LRPPRC: variants seen among roughly 807,000 people sequenced by gnomAD.
The protein encoded by LRPPRC is leucine-rich PPR motif-containing protein, mitochondrial.
In LRPPRC, 120 loss-of-function variants were observed where a neutral mutation model predicts 180.3. The observed-to-expected ratio is 0.67, with a 90% CI of 0.57 to 0.77. LRPPRC has a LOEUF of 0.77. Ranked by LOEUF, LRPPRC falls within the 30% of genes least tolerant of loss-of-function variation. The pLI, the probability that LRPPRC is intolerant of heterozygous loss-of-function variation, is 0.00. For missense variants in LRPPRC, 2,012 were observed against 1,657.2 expected (o/e 1.21, Z -3.72); for synonymous variants, 723 against 600.0 (o/e 1.21, Z -3.00).
At chr2:43,962,346 C>A (rs1424898932) in intron 12 of LRPPRC, among the ~76,000 whole-genome samples, 1 of 152,012 alleles carries the variant, frequency 6.6e-6, no homozygotes, top group African/African-American at 2.4e-5. Context: ...GGTGAAGACA[C>A]TGAAGATATA....
chr2:43,955,184 G>A (rs1403948889), intron 14 of LRPPRC, among the ~76,000 whole-genome samples: 1 of 151,922 alleles, frequency 6.6e-6, no homozygotes, highest in African/African-American at 2.4e-5. Context: ...AAAAGGTTAG[G>A]GCAGCAGGTG....
intron 31 of LRPPRC, chr2:43,904,369 C>T (rs1414554447): frequency 6.6e-6 from 1 of 152,204 alleles, no homozygotes; most frequent in East Asian, 1.9e-4. Context: ...AATTAAACAA[C>T]AACTTCCTCT....
intron 25 of LRPPRC, among the ~76,000 whole-genome samples, chr2:43,930,723 C>T (rs776076808): frequency 6.6e-6 from 1 of 152,132 alleles, no homozygotes; most frequent in Non-Finnish European, 1.5e-5. Flanking sequence ...TTGAAAGCCC[C>T]TGATACACAA....
chr2:43,971,500 A>G (rs899221427), intron 11 of LRPPRC, among the ~76,000 whole-genome samples: 19 of 147,774 alleles, frequency 1.3e-4, no homozygotes, highest in Non-Finnish European at 2.7e-4. Context: ...AAAAAAAAAA[A>G]AAAAGAAAAA....
At chr2:43,933,923 A>G (rs967431458) in intron 25 of LRPPRC, among the ~76,000 whole-genome samples, 20 of 152,178 alleles carry the variant, frequency 1.3e-4, no homozygotes, top group Non-Finnish European at 2.4e-4. Flanking sequence ...ACAATCCAAG[A>G]TTTAATATGC....
chr2:43,918,424 T>A, intron 27 of LRPPRC, 26 bp from the exon 28 acceptor site: 1 of 1,540,914 alleles, frequency 6.5e-7, no homozygotes, highest in Non-Finnish European at 9.0e-7. Flanking sequence ...AAGCAGAAAT[T>A]AATCAATAAA....
intron 32 of LRPPRC, among the ~76,000 whole-genome samples, chr2:43,900,571 AG>A (rs1670847222): frequency 6.6e-6 from 1 of 152,144 alleles, no homozygotes; most frequent in African/African-American, 2.4e-5. Context: ...TTCTTATTAA[AG>A]GGAAGTTCTA....
chr2:43,932,868 T>C (rs1000298826), intron 25 of LRPPRC, among the ~76,000 whole-genome samples: 8 of 152,216 alleles, frequency 5.3e-5, no homozygotes, highest in African/African-American at 1.9e-4. Flanking sequence ...CCTCTGGCTC[T>C]ATTACACCTT....
chr2:43,977,170 G>T lies in LRPPRC; in HGVS notation c.576C>A (p.Asn192Lys). 6.2e-7 allele frequency: 1 copy of T among 1,611,460 alleles called. No individual in the cohort carries two copies. Among genetic ancestry groups the T allele is most frequent in the Non-Finnish European group, 8.5e-7 (1 of 1,177,740 alleles). ...AACTACTTACTCGATTTGGTTGAAT[G>T]TTTGCTTCCTCCATTTTTGCCAGGA... ...TDFLAKMEEANIQPNRVTYQR... is the reference protein window; with the variant it reads ...TDFLAKMEEAKIQPNRVTYQR... Residue 192 changes from asparagine (N) to lysine (K), a missense_variant, in exon 4 of 38, where the codon AAC (asparagine) becomes AAA (lysine). Asn to Lys is a moderately conservative substitution (Grantham distance 94, BLOSUM62 0). Transcript: ENST00000260665.
chr2:43,937,005 G>A (rs562824841), intron 23 of LRPPRC, among the ~76,000 whole-genome samples: 2 of 150,682 alleles, frequency 1.3e-5, no homozygotes, highest in African/African-American at 4.8e-5. Context: ...ACACACATAC[G>A]ATTTTTTTTT....
intron 23 of LRPPRC, among the ~76,000 whole-genome samples, chr2:43,938,872 AAAC>A (rs1469238050): frequency 3.3e-5 from 5 of 149,844 alleles, no homozygotes; most frequent in Non-Finnish European, 4.4e-5. Flanking sequence ...GGAATTGTTA[AAAC>A]AACCACGAGT....
intron 34 of LRPPRC, among the ~76,000 whole-genome samples, chr2:43,896,966 C>T (rs1271339348): frequency 6.6e-6 from 1 of 152,078 alleles, no homozygotes; most frequent in East Asian, 1.9e-4. Flanking sequence ...TAAACTAATG[C>T]TTCAACAACC....
At chr2:43,974,454 T>G (rs892402646) in intron 8 of LRPPRC, among the ~76,000 whole-genome samples, 159 bp from the exon 9 acceptor site, 5 of 152,236 alleles carry the variant, frequency 3.3e-5, no homozygotes, top group Admixed American at 3.3e-4. Context: ...ATCATCCCCA[T>G]GTGTTCATTA....
rs375618674 is a variant in LRPPRC at position 43,886,471 on chromosome 2, T to A, written c.*2129A>T. 6.6e-6 allele frequency: 1 copy of A among 152,220 alleles called. No homozygotes were observed. Among genetic ancestry groups the A allele is most frequent in the South Asian group, 2.1e-4 (1 of 4,828 alleles). The allele number at this position is 152,220 out of a possible 1,614,324, so 9.4% of individuals were successfully genotyped here. A position where few individuals can be genotyped will look rare whatever the true frequency, so the allele number is the denominator to read the frequency against. ...ACTCATAAGCCCACCTACAGTATAG[T>A]TATTATACTTTAAATATTTATATTC... On this transcript the variant is annotated 3_prime_UTR_variant, in exon 38 of 38. Coordinates refer to ENST00000260665, the MANE Select transcript of LRPPRC (RefSeq NM_133259.4).
chr2:43,903,326 C>T (rs1055935829), intron 31 of LRPPRC: 3 of 152,176 alleles, frequency 2.0e-5, no homozygotes, highest in Admixed American at 6.5e-5. Context: ...ACAAGTGCCA[C>T]GTATCAGCTA....
At chr2:43,950,153 T>G (rs948460253) in intron 15 of LRPPRC, among the ~76,000 whole-genome samples, 6 of 152,178 alleles carry the variant, frequency 3.9e-5, no homozygotes, top group African/African-American at 9.7e-5. Context: ...TTCATCTTAA[T>G]GAGACTAAAA....
chr2:43,969,753 G>A (rs1023364876), intron 11 of LRPPRC, among the ~76,000 whole-genome samples: 4 of 152,110 alleles, frequency 2.6e-5, no homozygotes, highest in Non-Finnish European at 5.9e-5. Context: ...GACTGCAGTG[G>A]CTACGATCAA....
chr2:43,921,451 T>C (rs890598892), intron 27 of LRPPRC, among the ~76,000 whole-genome samples: 3 of 152,208 alleles, frequency 2.0e-5, no homozygotes, highest in African/African-American at 4.8e-5. Context: ...TTATTTCATA[T>C]TGTTAAGTAA....
chr2:43,953,224 C>T (rs1346963479), intron 14 of LRPPRC, among the ~76,000 whole-genome samples: 2 of 152,122 alleles, frequency 1.3e-5, no homozygotes, highest in Non-Finnish European at 2.9e-5. Context: ...TTCATAGTTA[C>T]GAAGACTAGT....
Sources: allele counts gnomAD v4.1 joint callset (sites outside exome capture counted in the v4.1 genomes callset), GRCh38; gene constraint gnomAD v4.1.1; transcripts MANE v1.5; gene names NCBI Gene and HGNC (gene_info 2026-07-23, HGNC 2026-07-21).